Variants in PSPC1 observed in about 807,000 individuals in gnomAD.
The protein encoded by PSPC1 is paraspeckle protein 1.
In PSPC1, 14 loss-of-function variants were observed where a neutral mutation model predicts 51.6. The ratio of observed to expected loss-of-function variants is 0.27; its 90% CI spans 0.18 to 0.42. PSPC1 has a LOEUF of 0.42. Ranked by LOEUF, PSPC1 falls within the 10% of genes least tolerant of loss-of-function variation. The pLI, the probability that PSPC1 is intolerant of heterozygous loss-of-function variation, is 1.00. For synonymous variants in PSPC1, 193 were observed against 231.9 expected (o/e 0.83, Z 1.53); for missense variants, 406 against 701.1 (o/e 0.58, Z 4.75).
In PSPC1 at chr13:19,705,768, T is replaced by C. The variant is rs1416996693; in HGVS notation, c.1280A>G (p.Asn427Ser). The C allele has an allele frequency of 6.2e-7, 1 of 1,613,740 alleles. No individual in the cohort carries two copies. The highest frequency in any genetic ancestry group is 2.2e-5 in the East Asian group (1 of 44,896). Reference protein sequence around the residue: ...GPPPMMGMNMNNRATIPGPPM... With the variant: ...GPPPMMGMNMSNRATIPGPPM... ...TGGGCCAGGTATAGTTGCTCTGTTGTTCATATTCATACCCATCATTGGAGG... is the reference window on the plus strand; with the variant it reads ...TGGGCCAGGTATAGTTGCTCTGTTGCTCATATTCATACCCATCATTGGAGG... Residue 427 changes from asparagine to serine, a missense_variant, in exon 8 of 9, where the codon AAC becomes AGC. Coordinates refer to ENST00000338910, the MANE Select transcript of PSPC1 (RefSeq NM_001354909.2).
intron 6 of PSPC1, among the ~76,000 whole-genome samples, chr13:19,696,301 C>CATGTTATAGA (rs1292734201): frequency 1.3e-5 from 2 of 152,134 alleles, no homozygotes; most frequent in African/African-American, 4.8e-5. Context: ...AACATACACA[C>CATGTTATAGA]ATCAAAGTCA....
In PSPC1 at chr13:19,730,253, T is replaced by C; in HGVS notation, c.1144A>G (p.Asn382Asp). 3 of 1,613,874 alleles carry C rather than the reference T, an allele frequency of 1.9e-6. No individual in the cohort carries two copies. Among genetic ancestry groups the C allele is most frequent in the South Asian group, 1.1e-5 (1 of 91,030 alleles). ...AGTTTACTTACATTTTCCATGTAGT[T>C]TGGCTTAAAGCCCTCTTGCTGTCGC... ...LRRQQEGFKPNYMENREQEMR... is the reference protein window; with the variant it reads ...LRRQQEGFKPDYMENREQEMR... Residue 382 changes from asparagine to aspartate, a missense_variant, in exon 6 of 9, where the codon AAC (asparagine) becomes GAC (aspartate). By Grantham distance (23) the Asn-to-Asp change is conservative (BLOSUM62 1). Transcript: ENST00000338910.
chr13:19,782,861 G>A lies in PSPC1; in HGVS notation c.-104C>T. 2.3e-6 allele frequency: 3 copies of A among 1,291,570 alleles called. No individual in the cohort carries two copies. The highest frequency in any genetic ancestry group is 3.0e-6 in the Non-Finnish European group (3 of 1,001,672). The allele number at this position is 1,291,570 out of a possible 1,614,324, so 80.0% of individuals were successfully genotyped here. Reference sequence around the variant, plus strand: ...CATAAACCTATGCCAACAAAATATCGACAATCAAGAGACCGCTAGGTAGGC... The same window carrying A: ...CATAAACCTATGCCAACAAAATATCAACAATCAAGAGACCGCTAGGTAGGC... On this transcript the variant is annotated 5_prime_UTR_variant, in exon 1 of 9. Coordinates refer to ENST00000338910, the MANE Select transcript of PSPC1 (RefSeq NM_001354909.2). This position sits in a 1 kb window ranked among gnomAD's most constrained non-coding sequence, Gnocchi z 4.5.
At chr13:19,719,589 A>G (rs1882526131) in intron 6 of PSPC1, among the ~76,000 whole-genome samples, 1 of 152,256 alleles carries the variant, frequency 6.6e-6, no homozygotes, top group South Asian at 2.1e-4. Context: ...TACTGTGTTC[A>G]TTAACTTGAC....
chr13:19,731,902 A>G (rs546579122), intron 5 of PSPC1, among the ~76,000 whole-genome samples: 12 of 152,334 alleles, frequency 7.9e-5, no homozygotes, highest in African/African-American at 2.4e-4. Flanking sequence ...TAAAACTGCA[A>G]AAGTAATTTA....
In PSPC1 at chr13:19,782,835, A is replaced by G; in HGVS notation, c.-78T>C. The G allele has an allele frequency of 1.5e-6, 2 of 1,373,230 alleles. No individual in the cohort carries two copies. The highest frequency in any genetic ancestry group is 1.9e-5 in the South Asian group (1 of 52,722). 85.1% of individuals were successfully genotyped at this position (1,373,230 alleles called of 1,614,324 possible). A position where few individuals can be genotyped will look rare whatever the true frequency, so the allele number is the denominator to read the frequency against. ...TGTCTATATATATGTATACGTCTCT[A>G]CATAAACCTATGCCAACAAAATATC... is the stretch of plus-strand genomic sequence containing the variant. On this transcript the variant is annotated 5_prime_UTR_variant, in exon 1 of 9. It removes the in-frame stop codon of an upstream open reading frame in the 5' UTR. Transcript: ENST00000338910. The surrounding 1 kb of genome is among the most constrained non-coding windows in gnomAD (Gnocchi z 4.5).
intron 6 of PSPC1, among the ~76,000 whole-genome samples, chr13:19,680,957 C>T (rs1016028757): frequency 2.0e-5 from 3 of 152,182 alleles, no homozygotes; most frequent in Non-Finnish European, 4.4e-5. Flanking sequence ...GTGGCTCATG[C>T]CTGTAATCCC....
At chr13:19,756,588 C>A (rs1166820044) in intron 3 of PSPC1, among the ~76,000 whole-genome samples, 1 of 151,934 alleles carries the variant, frequency 6.6e-6, no homozygotes, top group African/African-American at 2.4e-5. Context: ...CAACCTCCGC[C>A]TCCTGGGTTC....
Position 19,782,590 on chromosome 13 carries a change from G to T in PSPC1, c.168C>A (p.His56Gln), listed in dbSNP as rs764236210. 5.0e-6 allele frequency: 8 copies of T among 1,596,488 alleles called. No homozygotes were observed. Among genetic ancestry groups the T allele is most frequent in the South Asian group, 1.1e-5 (1 of 89,248 alleles). The change falls in exon 1 of 9, where the codon CAC becomes CAA. Residue 56 changes from histidine (H) to glutamine (Q), a missense_variant. This residue lies in a region of PSPC1 where 128 missense variants were observed against 107.1 expected (regional missense o/e 1.20). Transcript: ENST00000338910. The surrounding 1 kb of genome is among the most constrained non-coding windows in gnomAD (Gnocchi z 4.5). ...TAGTGAACCCCATCTCCTCGTCCGGGTGGTCCTCTGGAGGCGCGGGCGCGG... is the reference window on the plus strand; with the variant it reads ...TAGTGAACCCCATCTCCTCGTCCGGTTGGTCCTCTGGAGGCGCGGGCGCGG... ...APPAPAPPED[H>Q]PDEEMGFTID...
intron 6 of PSPC1, among the ~76,000 whole-genome samples, chr13:19,686,325 T>C (rs910174979): frequency 1.3e-5 from 2 of 152,298 alleles, no homozygotes; most frequent in East Asian, 3.9e-4. Flanking sequence ...ACTCTTTCTA[T>C]GTATGCAGCA....
chr13:19,687,179 C>CAACA (rs1593526492), intron 6 of PSPC1, among the ~76,000 whole-genome samples: 1 of 152,042 alleles, frequency 6.6e-6, no homozygotes, highest in Non-Finnish European at 1.5e-5. Flanking sequence ...CCAGCCTGGG[C>CAACA]AACAGAGTAA....
chr13:19,693,574 A>G (rs893549150), intron 6 of PSPC1, among the ~76,000 whole-genome samples: 1 of 152,246 alleles, frequency 6.6e-6, no homozygotes, highest in African/African-American at 2.4e-5. Flanking sequence ...AACCTCACAC[A>G]AATGTTTTAA....
intron 3 of PSPC1, among the ~76,000 whole-genome samples, chr13:19,752,589 TA>T (rs200884266): frequency 2.5e-4 from 38 of 150,994 alleles, no homozygotes; most frequent in South Asian, 1.5e-3. Context: ...TTTATTTATT[TA>T]TTTATTTATT....
chr13:19,688,146 A>G (rs1271957674), intron 6 of PSPC1, among the ~76,000 whole-genome samples: 4 of 151,956 alleles, frequency 2.6e-5, no homozygotes, highest in East Asian at 1.9e-4. Flanking sequence ...TCCAAACAAG[A>G]GCATTCTATG....
intron 4 of PSPC1, among the ~76,000 whole-genome samples, chr13:19,748,793 A>G (rs1049799357): frequency 2.0e-5 from 3 of 149,218 alleles, no homozygotes; most frequent in Non-Finnish European, 3.0e-5. Flanking sequence ...AGGCTAAGAG[A>G]AAACAATTCA....
intron 5 of PSPC1, among the ~76,000 whole-genome samples, chr13:19,739,931 T>C (rs1414745922): frequency 6.6e-6 from 1 of 151,174 alleles, no homozygotes; most frequent in Non-Finnish European, 1.5e-5. Context: ...GGATTCCAGG[T>C]GGCTGGGCCT....
At chr13:19,689,719 A>G (rs1878334126) in intron 6 of PSPC1, among the ~76,000 whole-genome samples, 1 of 152,240 alleles carries the variant, frequency 6.6e-6, no homozygotes, top group Non-Finnish European at 1.5e-5. Context: ...TATAACTGAC[A>G]TATTTCACAA....
chr13:19,730,965 CAAAAA>C (rs56753561), intron 5 of PSPC1, among the ~76,000 whole-genome samples: 1 of 37,304 alleles, frequency 2.7e-5, no homozygotes, highest in Non-Finnish European at 6.2e-5. Flanking sequence ...AACAAAAAAA[CAAAAA>C]AAAAAAAAAC....
intron 4 of PSPC1, among the ~76,000 whole-genome samples, chr13:19,747,911 T>C (rs568615388): frequency 1.3e-5 from 2 of 152,306 alleles, no homozygotes; most frequent in African/African-American, 4.8e-5. Context: ...TTAGAAATGC[T>C]GGATGAAATA....
Sources: allele counts gnomAD v4.1 joint callset (sites outside exome capture counted in the v4.1 genomes callset), GRCh38; gene constraint gnomAD v4.1.1; regional missense constraint gnomAD v4.1.1; non-coding constraint Gnocchi (gnomAD v3.1); transcripts MANE v1.5; gene names NCBI Gene and HGNC (gene_info 2026-07-23, HGNC 2026-07-21).